PARVB: variants seen among roughly 807,000 people sequenced by gnomAD.
PARVB encodes parvin beta, also known as beta-parvin.
In PARVB, 46 loss-of-function variants were observed where a neutral mutation model predicts 47.0. The observed-to-expected ratio is 0.98, with a 90% CI of 0.77 to 1.25. PARVB has a LOEUF of 1.25. Among genes scored for constraint, PARVB ranks in the 50% most tolerant of loss-of-function variants. The pLI is 0.00. For missense variants in PARVB, 473 were observed against 471.6 expected (o/e 1.00, Z -0.03); for synonymous variants, 196 against 196.3 (o/e 1.00, Z 0.01).
At chr22:44,164,898 CGGAAGG>C (rs1189214609) in intron 12 of PARVB, among the ~76,000 whole-genome samples, 2 of 152,350 alleles carry the variant, frequency 1.3e-5, no homozygotes, top group South Asian at 2.1e-4. Context: ...CCAGTCCACG[CGGAAGG>C]TTCCTGGCCG....
At chr22:44,097,134 T>A (rs778564112) in intron 2 of PARVB, among the ~76,000 whole-genome samples, 2 of 151,602 alleles carry the variant, frequency 1.3e-5, no homozygotes, top group Non-Finnish European at 2.9e-5. Context: ...GCATGGCGGC[T>A]GGTGTCTGCT....
chr22:44,069,216 CCTT>C, intron 1 of PARVB: 1 of 1,504,302 alleles, frequency 6.6e-7, no homozygotes, highest in Non-Finnish European at 9.3e-7. Context: ...CCAGGCCAGC[CCTT>C]CTTTTCTTTT....
intron 1 of PARVB, among the ~76,000 whole-genome samples, chr22:44,084,899 C>T (rs967039812): frequency 2.0e-5 from 3 of 152,328 alleles, no homozygotes; most frequent in East Asian, 1.9e-4. Flanking sequence ...CCTGCCAGGA[C>T]ATCTGTTTAT....
intron 3 of PARVB, chr22:44,115,920 TACATTGTTACTAAGTAAGGCCCTGC>T (rs2052885264): frequency 1.2e-5 from 1 of 86,402 alleles, no homozygotes; most frequent in South Asian, 3.6e-4. Context: ...CCAACACAGA[TACATTGTTACTAAGTAAGGCCCTGC>T]ACCAACACAG....
chr22:44,158,083 G>A lies in PARVB; in HGVS notation c.945G>A (p.Lys315=), dbSNP rs1226824511. 1.2e-6 allele frequency: 2 copies of A among 1,602,826 alleles called. No homozygotes were observed. The highest frequency in any genetic ancestry group is 2.7e-5 in the African/African-American group (2 of 74,720). ...FYLTPESFDQ[K]VHNVSFAFEL... Reference sequence around the variant, plus strand: ...TGACTCCGGAAAGCTTCGATCAGAAGGTATGTGCATGGTCTCCATCCTTGG... The same window carrying A: ...TGACTCCGGAAAGCTTCGATCAGAAAGTATGTGCATGGTCTCCATCCTTGG... Residue 315 remains lysine (K), a splice_region_variant and synonymous_variant, in exon 11 of 13, where the codon AAG becomes AAA. Coordinates refer to ENST00000338758, the MANE Select transcript of PARVB (RefSeq NM_013327.5).
At chr22:44,057,089 C>T (rs2051328127) in intron 1 of PARVB, among the ~76,000 whole-genome samples, 1 of 151,536 alleles carries the variant, frequency 6.6e-6, no homozygotes, top group South Asian at 2.1e-4. Context: ...TTCTCTCTCT[C>T]TCTTTTTTTT....
At chr22:44,163,783 C>G in intron 11 of PARVB, 75 bp from the exon 12 acceptor site, 1 of 1,267,380 alleles carries the variant, frequency 7.9e-7, no homozygotes, top group Non-Finnish European at 1.1e-6. Context: ...TCCATGCCGG[C>G]TGTCCTCCAG....
intron 1 of PARVB, among the ~76,000 whole-genome samples, chr22:44,029,681 C>T (rs1603425191): frequency 6.6e-6 from 1 of 151,274 alleles, no homozygotes; most frequent in Middle Eastern, 3.4e-3. Flanking sequence ...GAGGCTGAAG[C>T]GGCAGATCAC....
At chr22:44,032,266 C>G (rs1034058294) in intron 1 of PARVB, among the ~76,000 whole-genome samples, 1 of 152,172 alleles carries the variant, frequency 6.6e-6, no homozygotes, top group African/African-American at 2.4e-5. Flanking sequence ...GTTTTGGCCT[C>G]GTCCAGTCTC....
chr22:44,156,545 A>G lies in PARVB; in HGVS notation c.844-1437A>G, dbSNP rs147105526. On this transcript the variant is annotated intron_variant, in intron 10 of 12. Coordinates refer to ENST00000338758, the MANE Select transcript of PARVB (RefSeq NM_013327.5). ...ACCCACCTTGGCCACCCAAAGTGCT[A>G]GGATTACAGGCGTGAGCCACTGCGC... Among the ~76,000 whole-genome samples, 1,038 of 152,208 alleles carry G rather than the reference A, an allele frequency of 6.8e-3. 7 individuals carry two copies. The highest frequency in any genetic ancestry group is 0.031 in the Middle Eastern group (9 of 294).
chr22:44,163,589 G>A (rs980846334), intron 11 of PARVB, among the ~76,000 whole-genome samples: 4 of 152,204 alleles, frequency 2.6e-5, no homozygotes, highest in South Asian at 2.1e-4. Flanking sequence ...GTGAGCCCTC[G>A]AGAGCAGGCC....
At chr22:44,000,734 G>A (rs1321647259) in intron 2 of PARVB, among the ~76,000 whole-genome samples, 1 of 152,198 alleles carries the variant, frequency 6.6e-6, no homozygotes, top group Admixed American at 6.5e-5. Flanking sequence ...CTCAACTAAT[G>A]AACGGTTTTG....
chr22:43,999,834 GAAAAAAAAAAAAAA>G (rs113458130), intron 2 of PARVB, among the ~76,000 whole-genome samples: 2,269 of 69,450 alleles, frequency 0.033, 89 homozygotes, highest in African/African-American at 0.1. Flanking sequence ...CCATCTATAT[GAAAAAAAAAAAAAA>G]AAAAAAAAAA....
chr22:44,051,500 G>T (rs1171904866), intron 1 of PARVB, among the ~76,000 whole-genome samples: 2 of 152,202 alleles, frequency 1.3e-5, no homozygotes, highest in African/African-American at 4.8e-5. Context: ...AGGCTGTGCT[G>T]GTGGCCTGCT....
intron 2 of PARVB, among the ~76,000 whole-genome samples, chr22:44,011,400 G>A (rs1009470077): frequency 3.3e-5 from 5 of 152,010 alleles, no homozygotes; most frequent in Non-Finnish European, 7.4e-5. Flanking sequence ...ATCACTTGAG[G>A]TCAGGCGTTT....
chr22:44,066,456 C>G (rs1300076644), intron 1 of PARVB, among the ~76,000 whole-genome samples: 1 of 152,106 alleles, frequency 6.6e-6, no homozygotes, highest in Non-Finnish European at 1.5e-5. Flanking sequence ...CAAGGGGTGC[C>G]TCCCCACCCA....
intron 1 of PARVB, among the ~76,000 whole-genome samples, chr22:44,034,909 C>G (rs1448047085): frequency 1.3e-5 from 2 of 151,734 alleles, no homozygotes; most frequent in African/African-American, 4.8e-5. Context: ...CAGAGTTTCA[C>G]CATGTTGGCC....
chr22:44,148,428 T>G (rs1601683385), intron 9 of PARVB: 1 of 185,784 alleles, frequency 5.4e-6, no homozygotes, highest in Admixed American at 5.3e-5. Flanking sequence ...GGGGGCTGGG[T>G]GTGATCAGCT....
chr22:44,120,943 A>C (rs2053032708), intron 4 of PARVB, among the ~76,000 whole-genome samples: 1 of 151,894 alleles, frequency 6.6e-6, no homozygotes, highest in African/African-American at 2.4e-5. Context: ...TCCCTAGTTC[A>C]AGTGATTCTC....
Sources: gnomAD v4.1 joint callset for allele counts (sites outside exome capture counted in the v4.1 genomes callset) on GRCh38, gnomAD v4.1.1 for gene constraint, MANE v1.5 for transcripts, NCBI Gene and HGNC (gene_info 2026-07-23, HGNC 2026-07-21) for gene names.